The following MDGA2 variants were observed in gnomAD, a reference collection of about 807,000 sequenced individuals.
MDGA2 encodes the protein MAM domain-containing glycosylphosphatidylinositol anchor protein 2.
MDGA2 carries 40 observed loss-of-function variants against 117.8 expected under a neutral mutation model. The observed-to-expected ratio is 0.34, with a 90% CI of 0.26 to 0.44. The LOEUF (loss-of-function observed/expected upper bound fraction) is 0.44, where lower values mean the gene tolerates loss of function less well. MDGA2 is among the 20% of genes least tolerant of loss of function. The pLI, the probability that MDGA2 is intolerant of heterozygous loss-of-function variation, is 1.00. For synonymous variants in MDGA2, 452 were observed against 439.0 expected, an observed-to-expected ratio of 1.03 and a Z score of -0.37; for missense variants, 1,123 against 1,250.6, an observed-to-expected ratio of 0.90 and a Z score of 1.54.
At chr14:46,964,580 C>A (rs373521652) in intron 8 of MDGA2, among the ~76,000 whole-genome samples, 29 of 152,250 alleles carry the variant, frequency 1.9e-4, no homozygotes, top group African/African-American at 6.0e-4. Flanking sequence ...ACATTGAGGA[C>A]AAAGGTATCC....
rs778187409 is a variant in MDGA2 at position 47,131,810 on chromosome 14, G to T, written c.829C>A (p.Pro277Thr). 1.9e-6 allele frequency: 3 copies of T among 1,592,654 alleles called. No homozygotes were observed. The highest frequency in any genetic ancestry group is 1.7e-5 in the Admixed American group (1 of 59,750). Residue 277 changes from proline to threonine, a missense_variant, in exon 5 of 17, where the codon CCT becomes ACT. Physicochemically the swap from Pro to Thr is conservative, Grantham distance 38. Coordinates refer to ENST00000399232, the MANE Select transcript of MDGA2 (RefSeq NM_001113498.3). Reference sequence around the variant, plus strand: ...CAGCTATAATTAGCATAGTCCTGAGGTCGAAGATTCTTTAGTTTTAAGATC... The same window carrying T: ...CAGCTATAATTAGCATAGTCCTGAGTTCGAAGATTCTTTAGTTTTAAGATC... ...TKILKLKNLR[P>T]QDYANYSCIA...
chr14:47,491,599 G>C (rs771029742), intron 1 of MDGA2, among the ~76,000 whole-genome samples: 1 of 152,118 alleles, frequency 6.6e-6, no homozygotes, highest in Non-Finnish European at 1.5e-5. Flanking sequence ...CAAAATGGAG[G>C]CCTGAGAAGG....
At chr14:47,399,686 T>C (rs1892092275) in intron 1 of MDGA2, among the ~76,000 whole-genome samples, 2 of 152,144 alleles carry the variant, frequency 1.3e-5, no homozygotes, top group South Asian at 4.1e-4. Flanking sequence ...AAACACTGAA[T>C]GCTCAATAAT....
At chr14:47,656,434 C>T (rs976226474) in intron 1 of MDGA2, among the ~76,000 whole-genome samples, 2 of 152,154 alleles carry the variant, frequency 1.3e-5, no homozygotes, top group African/African-American at 2.4e-5. Flanking sequence ...TGCAGCCCCA[C>T]TAATGGGTGC....
chr14:47,375,961 C>A lies in MDGA2; in HGVS notation c.281-74411G>T, dbSNP rs559377927. On this transcript the variant is annotated intron_variant, in intron 1 of 16. Transcript: ENST00000399232. ...GATTTGCTCTTATTTAGTTTCCACC[C>A]AATCAGCCAATGATACTCTATTTAC... 7.2e-5 allele frequency among the ~76,000 whole-genome samples: 11 copies of A among 152,098 alleles called. No homozygotes were observed. In the South Asian group the frequency reaches 2.3e-3, roughly 32 times the overall value.
At chr14:47,447,314 C>G (rs778559162) in intron 1 of MDGA2, among the ~76,000 whole-genome samples, 15 of 152,158 alleles carry the variant, frequency 9.9e-5, no homozygotes, top group Non-Finnish European at 2.2e-4. Context: ...ATCCCAATGC[C>G]TCTCTCTGCT....
chr14:47,564,464 G>C (rs866277399), intron 1 of MDGA2, among the ~76,000 whole-genome samples: 1 of 152,298 alleles, frequency 6.6e-6, no homozygotes, highest in African/African-American at 2.4e-5. Flanking sequence ...CAGGCAAAGA[G>C]AGCCAAGCAA....
chr14:47,606,053 C>T (rs544152689), intron 1 of MDGA2, among the ~76,000 whole-genome samples: 60 of 152,280 alleles, frequency 3.9e-4, no homozygotes, highest in Non-Finnish European at 6.8e-4. Context: ...TAATCTGATA[C>T]ACTATTTTAC....
At chr14:47,171,678 A>G (rs961343094) in intron 3 of MDGA2, among the ~76,000 whole-genome samples, 2 of 152,234 alleles carry the variant, frequency 1.3e-5, no homozygotes, top group African/African-American at 4.8e-5. Flanking sequence ...AAGATGGCCG[A>G]ATAGGAACAG....
chr14:47,439,372 A>G (rs1017374583), intron 1 of MDGA2, among the ~76,000 whole-genome samples: 5 of 151,982 alleles, frequency 3.3e-5, no homozygotes, highest in African/African-American at 1.2e-4. Context: ...AAATGAGTTA[A>G]TGGAATAATT....
At chr14:46,866,785 G>GA (rs1237100178) in intron 14 of MDGA2, among the ~76,000 whole-genome samples, 3 of 151,874 alleles carry the variant, frequency 2.0e-5, no homozygotes, top group African/African-American at 7.3e-5. Flanking sequence ...AAAAACACAT[G>GA]AAAAAATGCT....
chr14:47,352,758 C>CT (rs373631357), intron 1 of MDGA2, among the ~76,000 whole-genome samples: 44 of 152,064 alleles, frequency 2.9e-4, no homozygotes, highest in East Asian at 2.1e-3. Context: ...TGTCATTAAT[C>CT]TTTTTTTTGT....
chr14:46,862,230 C>A (rs562615495), intron 14 of MDGA2, among the ~76,000 whole-genome samples: 1 of 151,768 alleles, frequency 6.6e-6, no homozygotes, highest in South Asian at 2.1e-4. Context: ...ATCTTTTGGT[C>A]ACCACTCTCC....
intron 2 of MDGA2, among the ~76,000 whole-genome samples, chr14:47,286,975 CA>C (rs1383931052): frequency 3.3e-5 from 5 of 151,450 alleles, no homozygotes; most frequent in African/African-American, 1.2e-4. Context: ...CTACGATAAT[CA>C]TTATTATCCA....
intron 1 of MDGA2, among the ~76,000 whole-genome samples, chr14:47,513,158 G>A (rs747789218): frequency 1.1e-4 from 17 of 152,040 alleles, no homozygotes; most frequent in Non-Finnish European, 5.9e-5. Flanking sequence ...TGTTACTGAA[G>A]TAAAGCTCAT....
intron 1 of MDGA2, among the ~76,000 whole-genome samples, chr14:47,376,181 A>C (rs1202367986): frequency 1.3e-5 from 2 of 152,174 alleles, no homozygotes; most frequent in Non-Finnish European, 2.9e-5. Context: ...CATTTTAATC[A>C]GCTTGGGATT....
intron 1 of MDGA2, among the ~76,000 whole-genome samples, chr14:47,604,108 C>A (rs1594939488): frequency 6.6e-6 from 1 of 152,078 alleles, no homozygotes; most frequent in Non-Finnish European, 1.5e-5. Context: ...TACTTTATAG[C>A]AATATGAAAA....
At chr14:47,302,342 G>T (rs113468758) in intron 1 of MDGA2, among the ~76,000 whole-genome samples, 9 of 152,300 alleles carry the variant, frequency 5.9e-5, no homozygotes, top group African/African-American at 1.9e-4. Context: ...AAGATATGCT[G>T]CTTGCCATCA....
At chr14:46,930,591 A>T (rs2138546045) in intron 9 of MDGA2, among the ~76,000 whole-genome samples, 1 of 152,308 alleles carries the variant, frequency 6.6e-6, no homozygotes, top group Admixed American at 6.5e-5. Flanking sequence ...ATAATGACTA[A>T]GAAGATTCTA....
Sources: gnomAD v4.1 joint callset for allele counts (sites outside exome capture counted in the v4.1 genomes callset) on GRCh38, gnomAD v4.1.1 for gene constraint, MANE v1.5 for transcripts, NCBI Gene and HGNC (gene_info 2026-07-23, HGNC 2026-07-21) for gene names.